Variants in GPC5 observed in about 807,000 individuals in gnomAD.
The protein encoded by GPC5 is glypican 5.
In GPC5, 47 loss-of-function variants were observed where a neutral mutation model predicts 53.9. The ratio of observed to expected loss-of-function variants is 0.87; its 90% CI spans 0.69 to 1.11. The LOEUF is 1.11. Ranked by LOEUF, GPC5 falls within the 50% of genes most tolerant of loss-of-function variation. The pLI is 0.00. For missense variants in GPC5, 748 were observed against 713.1 expected (o/e 1.05, Z -0.56); for synonymous variants, 286 against 263.3 (o/e 1.09, Z -0.84).
At position 92,863,610 on chromosome 13, in the gene GPC5, C is replaced by T. The variant is rs936341473; in HGVS notation, c.1562-2672C>T. ...CCGAGTTCAAGTGATTCTCCTGCCTCGGCTTCCCAAGTAGCTGGGATTACA... is the reference window on the plus strand; with the variant it reads ...CCGAGTTCAAGTGATTCTCCTGCCTTGGCTTCCCAAGTAGCTGGGATTACA... On this transcript the variant is annotated intron_variant, in intron 7 of 7. Coordinates refer to ENST00000377067, the MANE Select transcript of GPC5 (RefSeq NM_004466.6). Among the ~76,000 whole-genome samples the T allele has an allele frequency of 2.0e-5, 3 of 152,132 alleles. No homozygotes were observed. The South Asian group carries it at 6.2e-4, about 31-fold the overall frequency.
chr13:91,662,096 A>G (rs968157061), intron 2 of GPC5, among the ~76,000 whole-genome samples: 1 of 152,150 alleles, frequency 6.6e-6, no homozygotes, highest in Non-Finnish European at 1.5e-5. Flanking sequence ...GATCATCAAA[A>G]AGTGAGTGAA....
At chr13:92,486,794 C>A (rs1375585416) in intron 7 of GPC5, among the ~76,000 whole-genome samples, 2 of 151,956 alleles carry the variant, frequency 1.3e-5, no homozygotes, top group African/African-American at 4.8e-5. Context: ...GTCACATCAG[C>A]CACATTTCAT....
At chr13:92,633,092 T>C (rs1011316962) in intron 7 of GPC5, among the ~76,000 whole-genome samples, 4 of 152,164 alleles carry the variant, frequency 2.6e-5, no homozygotes, top group African/African-American at 9.6e-5. Flanking sequence ...GGTTTCACCA[T>C]GTTGGCCAGG....
At chr13:91,856,109 G>A (rs1303336572) in intron 5 of GPC5, among the ~76,000 whole-genome samples, 1 of 151,290 alleles carries the variant, frequency 6.6e-6, no homozygotes, top group East Asian at 1.9e-4. Flanking sequence ...CATGTTGTGT[G>A]TATTGATATT....
At chr13:92,124,145 AG>A (rs2041674147) in intron 6 of GPC5, among the ~76,000 whole-genome samples, 1 of 151,290 alleles carries the variant, frequency 6.6e-6, no homozygotes, top group Non-Finnish European at 1.5e-5. Context: ...AAAAAAAAAA[AG>A]CATCCAAATA....
intron 5 of GPC5, among the ~76,000 whole-genome samples, chr13:91,758,928 G>C (rs1047067050): frequency 2.7e-4 from 41 of 151,850 alleles, no homozygotes; most frequent in African/African-American, 9.2e-4. Flanking sequence ...CTGTCTCATG[G>C]GTCCCCAACC....
intron 6 of GPC5, chr13:92,059,809 A>G (rs1213591067): frequency 1.3e-5 from 2 of 151,930 alleles, no homozygotes; most frequent in African/African-American, 2.4e-5. Flanking sequence ...AGGTATAAGT[A>G]TAAGTATATT....
chr13:92,798,258 G>T (rs1186316686), intron 7 of GPC5, among the ~76,000 whole-genome samples: 2 of 151,740 alleles, frequency 1.3e-5, no homozygotes, highest in East Asian at 3.9e-4. Context: ...GTTTATAAAT[G>T]TTTGTTTATG....
At chr13:91,992,445 T>C (rs1166721948) in intron 6 of GPC5, among the ~76,000 whole-genome samples, 1 of 147,678 alleles carries the variant, frequency 6.8e-6, no homozygotes, top group African/African-American at 2.5e-5. Context: ...TAAACATTTG[T>C]ATGAAGCTAT....
intron 6 of GPC5, among the ~76,000 whole-genome samples, chr13:92,111,373 A>T (rs2041555296): frequency 6.6e-6 from 1 of 152,204 alleles, no homozygotes; most frequent in African/African-American, 2.4e-5. Flanking sequence ...GCACAAGTCT[A>T]TCAGCCCATA....
chr13:91,816,110 G>A (rs16951984), intron 5 of GPC5, among the ~76,000 whole-genome samples: 22,202 of 152,092 alleles, frequency 0.15, 1,833 homozygotes, highest in African/African-American at 0.22. Context: ...ACTTTAGCAA[G>A]GAGAGGCTTC....
intron 5 of GPC5, among the ~76,000 whole-genome samples, chr13:91,802,079 T>C (rs2138778881): frequency 6.6e-6 from 1 of 152,338 alleles, no homozygotes; most frequent in Non-Finnish European, 1.5e-5. Flanking sequence ...ATATTTAAGT[T>C]ATCAAAAGAC....
In GPC5 at chr13:92,843,870, A is replaced by G. The variant is rs573683394; in HGVS notation, c.1562-22412A>G. Among the ~76,000 whole-genome samples the G allele has an allele frequency of 3.3e-5, 5 of 152,124 alleles. No individual in the cohort carries two copies. The South Asian group carries it at 1.0e-3, about 32-fold the overall frequency. ...ATCATCTCTACAGAGTAACAGTGCA[A>G]CTGTTATATTTGTACTGAAGGCAGA... On this transcript the variant is annotated intron_variant, in intron 7 of 7. Transcript: ENST00000377067.
chr13:92,632,537 G>C (rs1461730121), intron 7 of GPC5, among the ~76,000 whole-genome samples: 2 of 147,912 alleles, frequency 1.4e-5, no homozygotes, highest in African/African-American at 5.0e-5. Context: ...CAAGCTACCT[G>C]TATAGTTTAT....
chr13:92,148,693 G>A (rs1482498095), intron 7 of GPC5, among the ~76,000 whole-genome samples: 5 of 152,068 alleles, frequency 3.3e-5, no homozygotes, highest in Admixed American at 6.6e-5. Flanking sequence ...CTTAAAAGTC[G>A]CCTCACCCCT....
intron 4 of GPC5, among the ~76,000 whole-genome samples, chr13:91,752,419 A>G (rs1350020439): frequency 6.6e-6 from 1 of 152,160 alleles, no homozygotes; most frequent in Admixed American, 6.5e-5. Context: ...GTCTCCAAAC[A>G]CAGTTAGGAT....
chr13:91,653,198 C>T (rs532007132), intron 2 of GPC5, among the ~76,000 whole-genome samples: 1 of 152,326 alleles, frequency 6.6e-6, no homozygotes, highest in East Asian at 1.9e-4. Flanking sequence ...AAACCTTTCA[C>T]CTTGTGACAG....
rs536028267 is a variant in GPC5, at chr13:91,495,848, C to A, written c.325+46926C>A. 2.6e-5 allele frequency among the ~76,000 whole-genome samples: 4 copies of A among 152,002 alleles called. No homozygotes were observed. In the South Asian group the frequency reaches 6.2e-4, roughly 24 times the overall value. The stretch of plus-strand genomic sequence containing the variant: ...GACCAGCCTGACTAACAGGGTGAAA[C>A]CCCGTTTCTACTAAAAATACGAAAA... On this transcript the variant is annotated intron_variant, in intron 2 of 7. Coordinates refer to ENST00000377067, the MANE Select transcript of GPC5 (RefSeq NM_004466.6).
At chr13:92,728,575 TCTAGGAAAACGGGG>T (rs201277328) in intron 7 of GPC5, among the ~76,000 whole-genome samples, 7,834 of 151,484 alleles carry the variant, frequency 0.052, 592 homozygotes, top group East Asian at 0.33. Flanking sequence ...ACTTTCCACT[TCTAGGAAAACGGGG>T]GTAGGAATTT....
Sources: gnomAD v4.1 joint callset for allele counts (sites outside exome capture counted in the v4.1 genomes callset) on GRCh38, gnomAD v4.1.1 for gene constraint, MANE v1.5 for transcripts, NCBI Gene and HGNC (gene_info 2026-07-23, HGNC 2026-07-21) for gene names.